The following CSF2RB variants were observed in gnomAD, a reference collection of about 807,000 sequenced individuals.
CSF2RB encodes the protein colony stimulating factor 2 receptor subunit beta.
CSF2RB carries 22 observed loss-of-function variants against 67.2 expected under a neutral mutation model. The ratio of observed to expected loss-of-function variants is 0.33; its 90% CI spans 0.23 to 0.47. CSF2RB has a LOEUF of 0.47. Among genes scored for constraint, CSF2RB ranks in the 20% least tolerant of loss-of-function variants. The probability of loss-of-function intolerance (pLI) is 1.00; values close to 1 mark genes in which losing one functional copy is unlikely to be tolerated. For missense variants in CSF2RB, 1,113 were observed against 1,174.5 expected, an observed-to-expected ratio of 0.95 and a Z score of 0.76; for synonymous variants, 507 against 482.9, an observed-to-expected ratio of 1.05 and a Z score of -0.65.
chr22:36,914,202 G>A (rs1171578154), intron 1 of CSF2RB, among the ~76,000 whole-genome samples: 2 of 152,142 alleles, frequency 1.3e-5, no homozygotes, highest in African/African-American at 4.8e-5. Flanking sequence ...GTGTGCCTGT[G>A]TGTGTATGTG....
rs1281111319 is a variant in CSF2RB, at chr22:36,930,729, A to G, written c.911A>G (p.His304Arg). 1 of 1,613,486 alleles carries G rather than the reference A, an allele frequency of 6.2e-7. No homozygotes were observed. Among genetic ancestry groups the G allele is most frequent in the East Asian group, 2.2e-5 (1 of 44,872 alleles). The change falls in exon 8 of 14, where the codon CAC becomes CGC. Residue 304 changes from histidine to arginine, a missense_variant. This residue lies in a region of CSF2RB where 559 missense variants were observed against 656.5 expected (regional missense o/e 0.85). Coordinates refer to ENST00000403662, the MANE Select transcript of CSF2RB (RefSeq NM_000395.3). ...REGLGSLHTRHHCQIPVPDPA... is the reference protein window; with the variant it reads ...REGLGSLHTRRHCQIPVPDPA... ...GGGCTCGGCAGCCTCCACACCAGGCACCACTGCCAGATTCCCGTGCCCGAC... is the reference window on the plus strand; with the variant it reads ...GGGCTCGGCAGCCTCCACACCAGGCGCCACTGCCAGATTCCCGTGCCCGAC...
chr22:36,924,629 G>A (rs922218164), intron 3 of CSF2RB, among the ~76,000 whole-genome samples: 1 of 152,278 alleles, frequency 6.6e-6, no homozygotes. Flanking sequence ...CCCCTAGGAT[G>A]CTGCCCCCAC....
At chr22:36,914,255 G>C (rs1304771263) in intron 1 of CSF2RB, among the ~76,000 whole-genome samples, 2 of 152,120 alleles carry the variant, frequency 1.3e-5, no homozygotes. Flanking sequence ...GAGAGACTAA[G>C]AGGCAGAGGG....
chr22:36,914,164 G>A (rs371809029), intron 1 of CSF2RB, among the ~76,000 whole-genome samples: 21 of 152,262 alleles, frequency 1.4e-4, no homozygotes, highest in African/African-American at 4.3e-4. Flanking sequence ...ACGCATGCTC[G>A]TGTGTTTGCC....
Position 36,914,776 on chromosome 22 carries a change from C to G in CSF2RB, c.-173+1099C>G, listed in dbSNP as rs1195050629. 3.3e-5 allele frequency among the ~76,000 whole-genome samples: 5 copies of G among 152,204 alleles called. No homozygotes were observed. In the East Asian group the frequency reaches 9.6e-4, roughly 29 times the overall value. ...ATAATGAGTAAACATTTCCTATTAG[C>G]TTTTGGTCACTCTTTTTTTCATCCA... On this transcript the variant is annotated intron_variant, in intron 1 of 13. Coordinates refer to ENST00000403662, the MANE Select transcript of CSF2RB (RefSeq NM_000395.3).
intron 13 of CSF2RB, 21 bp downstream of exon 13, chr22:36,936,673 C>G: frequency 6.3e-7 from 1 of 1,598,624 alleles, no homozygotes; most frequent in South Asian, 1.1e-5. Flanking sequence ...TCGTGGATCA[C>G]TCCTGACCTT....
chr22:36,926,871 A>G (rs1257485304), intron 4 of CSF2RB, among the ~76,000 whole-genome samples: 1 of 152,218 alleles, frequency 6.6e-6, no homozygotes, highest in East Asian at 1.9e-4. Flanking sequence ...CGTTTTATGA[A>G]AGTTTTCGTT....
rs771086036 is a variant in CSF2RB at position 36,930,466 on chromosome 22, C to T, written c.810C>T (p.Ser270=). Residue 270 remains serine (S), a synonymous_variant, in exon 7 of 14, where the codon AGC becomes AGT. Transcript: ENST00000403662. ...CSWEVRKEVA[S]SVSFGLFYKP... The stretch of plus-strand genomic sequence containing the variant: ...GGGAGGTGAGGAAGGAGGTGGCCAG[C>T]TCGGTCTCCTTTGGCCTATTCTACA... The T allele has an allele frequency of 2.5e-6, 4 of 1,613,734 alleles. No homozygotes were observed. The South Asian group carries it at 3.3e-5, about 13-fold the overall frequency.
At chr22:36,934,584 A>G (rs370583367) in intron 10 of CSF2RB, among the ~76,000 whole-genome samples, 1 of 152,072 alleles carries the variant, frequency 6.6e-6, no homozygotes, top group Non-Finnish European at 1.5e-5. Context: ...CTAGAGCCAC[A>G]GACTGGGTCC....
intron 10 of CSF2RB, among the ~76,000 whole-genome samples, chr22:36,934,543 G>A (rs1941227642): frequency 6.6e-6 from 1 of 152,194 alleles, no homozygotes; most frequent in Non-Finnish European, 1.5e-5. Flanking sequence ...TGCTCAGCCC[G>A]AGTTTCCTGT....
intron 3 of CSF2RB, among the ~76,000 whole-genome samples, chr22:36,925,131 C>T (rs1940983047): frequency 2.0e-5 from 3 of 152,212 alleles, no homozygotes; most frequent in Non-Finnish European, 4.4e-5. Context: ...ATGGGAGCTC[C>T]TAGTGGCTCA....
chr22:36,935,667 A>C lies in CSF2RB; in HGVS notation c.1444A>C (p.Ser482Arg). Residue 482 changes from serine (S) to arginine (R), a missense_variant, in exon 12 of 14, where the codon AGC becomes CGC. Physicochemically the swap from Ser to Arg is moderately radical, Grantham distance 110. Transcript: ENST00000403662. ...RKWEEKIPNP[S>R]KSHLFQNGSA... is the part of the protein sequence containing the mutation. ...GTGGGAGGAGAAGATCCCCAACCCC[A>C]GCAAGAGCCACCTGTTCCAGGTAGG... is the stretch of plus-strand genomic sequence containing the variant. The C allele has an allele frequency of 1.2e-6, 2 of 1,614,152 alleles. No individual in the cohort carries two copies. The highest frequency in any genetic ancestry group is 1.7e-6 in the Non-Finnish European group (2 of 1,180,014).
At chr22:36,921,215 CATGT>C (rs777644970) in intron 1 of CSF2RB, among the ~76,000 whole-genome samples, 1 of 138,856 alleles carries the variant, frequency 7.2e-6, no homozygotes, top group African/African-American at 2.7e-5. Context: ...CTGTGTTGTT[CATGT>C]GTGTATGTGT....
rs546972363 is a variant in CSF2RB, at chr22:36,929,869, T to C, written c.718+62T>C. On this transcript the variant is annotated intron_variant, in intron 6 of 13. Transcript: ENST00000403662. ...GGAGGGCAGGCTCATCAGGAGCTCC[T>C]GGCACAGCAGGGTTCCTGGGCTCCA... 5.1e-6 allele frequency: 8 copies of C among 1,567,228 alleles called. No individual in the cohort carries two copies. The East Asian group carries it at 1.4e-4, about 28-fold the overall frequency.
chr22:36,917,021 C>T (rs1228721296), intron 1 of CSF2RB, among the ~76,000 whole-genome samples: 1 of 152,190 alleles, frequency 6.6e-6, no homozygotes, highest in East Asian at 1.9e-4. Context: ...AGGACACTAA[C>T]GTGCCCCCTT....
intron 10 of CSF2RB, among the ~76,000 whole-genome samples, chr22:36,934,769 C>G (rs5756415): frequency 0.43 from 64,715 of 152,058 alleles, 15,577 homozygotes; most frequent in East Asian, 0.8. Flanking sequence ...GGGAGCAACC[C>G]AAGTCCCCAG....
intron 1 of CSF2RB, among the ~76,000 whole-genome samples, chr22:36,915,243 C>G (rs1381802546): frequency 6.6e-6 from 1 of 152,014 alleles, no homozygotes; most frequent in African/African-American, 2.4e-5. Context: ...AGCCACCACA[C>G]GTGGCTAATT....
At chr22:36,932,532 G>C (rs542280306) in intron 8 of CSF2RB, among the ~76,000 whole-genome samples, 1 of 152,100 alleles carries the variant, frequency 6.6e-6, no homozygotes, top group South Asian at 2.1e-4. Flanking sequence ...AATAGGAGTA[G>C]TGCAAGCACT....
At chr22:36,933,017 AG>A in intron 9 of CSF2RB, 113 bp downstream of exon 9, 1 of 1,306,472 alleles carries the variant, frequency 7.7e-7, no homozygotes, top group Non-Finnish European at 1.1e-6. Flanking sequence ...GACCAGTGAG[AG>A]GTAGCCACTG....
Sources: gnomAD v4.1 joint callset for allele counts (sites outside exome capture counted in the v4.1 genomes callset) on GRCh38, gnomAD v4.1.1 for gene constraint, gnomAD v4.1.1 regional missense constraint, MANE v1.5 for transcripts, NCBI Gene and HGNC (gene_info 2026-07-23, HGNC 2026-07-21) for gene names.